SYNE2: variants seen among roughly 807,000 people sequenced by gnomAD.
The protein encoded by SYNE2 is nesprin-2.
In SYNE2, 431 loss-of-function variants were observed where a neutral mutation model predicts 856.3. The ratio of observed to expected loss-of-function variants is 0.50; its 90% CI spans 0.47 to 0.55. SYNE2 has a LOEUF of 0.55. Ranked by LOEUF, SYNE2 falls within the 20% of genes least tolerant of loss-of-function variation. The pLI is 0.00. For synonymous variants in SYNE2, 2,923 were observed against 2,872.3 expected (o/e 1.02, Z -0.56); for missense variants, 8,129 against 8,023.2 (o/e 1.01, Z -0.50).
chr14:64,214,234 A>C lies in SYNE2; in HGVS notation c.19097A>C (p.Asp6366Ala), dbSNP rs776820284. The change falls in exon 106 of 116, where the codon GAC becomes GCC. Residue 6366 changes from aspartate (D) to alanine (A), a missense_variant. Coordinates refer to ENST00000555002, the MANE Select transcript of SYNE2 (RefSeq NM_182914.3). ...AAGGAGGCCTCTGAGAATGAAACAG[A>C]CATGGAAGACCCCAGAGAAATCCAG... ...DEKEASENET[D>A]MEDPREIQTD... 6.2e-7 allele frequency: 1 copy of C among 1,614,152 alleles called. No homozygotes were observed. The highest frequency in any genetic ancestry group is 8.5e-7 in the Non-Finnish European group (1 of 1,180,034).
At chr14:64,017,195 G>A (rs985318923) in intron 33 of SYNE2, among the ~76,000 whole-genome samples, 3 of 151,846 alleles carry the variant, frequency 2.0e-5, no homozygotes, top group Admixed American at 1.3e-4. Flanking sequence ...CGGGCATGGT[G>A]GTGCATGCCT....
At chr14:64,068,260 GT>G (rs1254723744) in intron 51 of SYNE2, among the ~76,000 whole-genome samples, 2 of 152,112 alleles carry the variant, frequency 1.3e-5, no homozygotes, top group Non-Finnish European at 2.9e-5. Flanking sequence ...CACCCTAGAA[GT>G]TTCCCTCGTT....
At chr14:63,887,150 C>G (rs898036901) in intron 1 of SYNE2, among the ~76,000 whole-genome samples, 1 of 151,884 alleles carries the variant, frequency 6.6e-6, no homozygotes, top group Non-Finnish European at 1.5e-5. Context: ...GCGTAGTGGC[C>G]TGTGCCTGTA....
chr14:63,823,697 C>T (rs1889313924), intron 1 of SYNE2, among the ~76,000 whole-genome samples: 1 of 151,662 alleles, frequency 6.6e-6, no homozygotes, highest in Admixed American at 6.6e-5. Context: ...GTGCAATGGC[C>T]CTATCTCAAC....
At chr14:63,948,814 ATATATATATG>A (rs2096096846) in intron 6 of SYNE2, among the ~76,000 whole-genome samples, 1 of 114,564 alleles carries the variant, frequency 8.7e-6, no homozygotes. Context: ...ATATATATAT[ATATATATATG>A]TAGCTTAATT....
At chr14:63,998,454 A>G (rs2096729462) in intron 26 of SYNE2, 126 bp downstream of exon 26, 1 of 672,556 alleles carries the variant, frequency 1.5e-6, no homozygotes, top group East Asian at 2.8e-5. Flanking sequence ...GTAACTTAGA[A>G]ATTCTATGGT....
chr14:63,781,243 A>G (rs1887295215), intron 1 of SYNE2, among the ~76,000 whole-genome samples: 3 of 150,244 alleles, frequency 2.0e-5, no homozygotes, highest in Non-Finnish European at 4.4e-5. Context: ...GCGCCATTGT[A>G]CTCCAGCCTG....
chr14:64,171,902 G>C (rs1452242195), intron 94 of SYNE2, among the ~76,000 whole-genome samples: 2 of 152,288 alleles, frequency 1.3e-5, no homozygotes, highest in Admixed American at 1.3e-4. Context: ...CCAGGCTGGA[G>C]TGCAGTGTTG....
intron 1 of SYNE2, among the ~76,000 whole-genome samples, chr14:63,810,222 C>CA (rs1258802316): frequency 3.7e-3 from 389 of 105,638 alleles, no homozygotes; most frequent in Middle Eastern, 6.7e-3. Context: ...GACTCTTTCT[C>CA]AAAAAAAAAA....
intron 1 of SYNE2, among the ~76,000 whole-genome samples, chr14:63,826,774 T>C (rs1159132901): frequency 6.6e-6 from 1 of 152,146 alleles, no homozygotes; most frequent in Non-Finnish European, 1.5e-5. Flanking sequence ...TAGGGGGATA[T>C]CTTTGTGACC....
At chr14:64,167,464 C>T (rs751136880) in intron 91 of SYNE2, 31 bp from the exon 92 acceptor site, 1 of 1,614,228 alleles carries the variant, frequency 6.2e-7, no homozygotes, top group South Asian at 1.1e-5. Context: ...GCATTGTTAA[C>T]ATGGGTGTGT....
At chr14:63,906,534 A>G (rs2095412119) in intron 1 of SYNE2, among the ~76,000 whole-genome samples, 1 of 152,158 alleles carries the variant, frequency 6.6e-6, no homozygotes, top group African/African-American at 2.4e-5. Context: ...TCCCAATTCA[A>G]TCTTGGGAAA....
At chr14:63,835,860 G>A (rs1889841548) in intron 1 of SYNE2, among the ~76,000 whole-genome samples, 1 of 151,778 alleles carries the variant, frequency 6.6e-6, no homozygotes, top group South Asian at 2.1e-4. Flanking sequence ...GCACATGCCT[G>A]TAATCCCAGC....
intron 21 of SYNE2, 79 bp downstream of exon 21, chr14:63,991,194 A>T: frequency 7.2e-7 from 1 of 1,382,166 alleles, no homozygotes; most frequent in South Asian, 1.2e-5. Context: ...TGTTTCCTTC[A>T]CTGTAATTAT....
chr14:64,162,422 A>G (rs2098336715), intron 88 of SYNE2, 146 bp downstream of exon 88: 2 of 839,718 alleles, frequency 2.4e-6, no homozygotes. Context: ...GACATAGGCA[A>G]GGCTGGGAGG....
At chr14:64,015,216 T>C (rs569534164) in intron 32 of SYNE2, among the ~76,000 whole-genome samples, 3 of 151,502 alleles carry the variant, frequency 2.0e-5, no homozygotes, top group Non-Finnish European at 4.4e-5. Flanking sequence ...ATAAAATTAA[T>C]TGGGAGTGTT....
chr14:63,815,251 T>TGG (rs1888928705), intron 1 of SYNE2, among the ~76,000 whole-genome samples: 7 of 137,698 alleles, frequency 5.1e-5, no homozygotes, highest in Admixed American at 2.3e-4. Context: ...GATATATATA[T>TGG]ATATATAAGG....
rs569089173 is a variant in SYNE2, at chr14:64,185,895, A to T, written c.17557-529A>T. Among the ~76,000 whole-genome samples, 8 of 152,318 alleles carry T rather than the reference A, an allele frequency of 5.3e-5. No homozygotes were observed. The South Asian group carries it at 1.7e-3, about 32-fold the overall frequency. ...CTAACTAATCTTTGCCAATTAGAAA[A>T]GTTTATTTTTTCTTCCGTTATACTT... On this transcript the variant is annotated intron_variant, in intron 96 of 115. Coordinates refer to ENST00000555002, the MANE Select transcript of SYNE2 (RefSeq NM_182914.3).
intron 1 of SYNE2, among the ~76,000 whole-genome samples, chr14:63,790,684 A>G (rs892875962): frequency 2.6e-5 from 4 of 152,186 alleles, no homozygotes; most frequent in African/African-American, 9.7e-5. Flanking sequence ...ATGAAAGGTC[A>G]GTAGAAGGAT....
Sources: gnomAD v4.1 joint callset for allele counts (sites outside exome capture counted in the v4.1 genomes callset) on GRCh38, gnomAD v4.1.1 for gene constraint, MANE v1.5 for transcripts, NCBI Gene and HGNC (gene_info 2026-07-23, HGNC 2026-07-21) for gene names.